EPHA6: variants seen among roughly 807,000 people sequenced by gnomAD.
EPHA6 encodes ephrin type-A receptor 6.
Under a neutral mutation model 112.0 loss-of-function variants are expected in EPHA6, and 50 were observed. That is an observed-to-expected ratio of 0.45 (90% CI 0.36 to 0.56). The LOEUF (loss-of-function observed/expected upper bound fraction) is 0.56, where lower values mean the gene tolerates loss of function less well. Ranked by LOEUF, EPHA6 falls within the 20% of genes least tolerant of loss-of-function variation. EPHA6 has a pLI of 0.00. For synonymous variants in EPHA6, 529 were observed against 490.7 expected, an observed-to-expected ratio of 1.08 and a Z score of -1.03; for missense variants, 1,280 against 1,417.4, an observed-to-expected ratio of 0.90 and a Z score of 1.56.
chr3:97,109,295 A>G (rs573904512), intron 3 of EPHA6, among the ~76,000 whole-genome samples: 3 of 152,304 alleles, frequency 2.0e-5, no homozygotes, highest in South Asian at 4.1e-4. Flanking sequence ...TTTTATAGAC[A>G]TGCATGACCC....
At chr3:97,141,354 T>A (rs1287475917) in intron 3 of EPHA6, among the ~76,000 whole-genome samples, 5 of 152,068 alleles carry the variant, frequency 3.3e-5, no homozygotes, top group African/African-American at 1.2e-4. Context: ...TATAGAATGT[T>A]CTACCTATCA....
At chr3:97,038,780 T>C (rs2045204093) in intron 3 of EPHA6, among the ~76,000 whole-genome samples, 1 of 151,768 alleles carries the variant, frequency 6.6e-6, no homozygotes, top group Admixed American at 6.6e-5. Flanking sequence ...TTTTTTCCAG[T>C]GTGGAAATTG....
chr3:97,220,543 C>CA (rs1344389674), intron 3 of EPHA6, among the ~76,000 whole-genome samples: 35 of 152,254 alleles, frequency 2.3e-4, no homozygotes, highest in African/African-American at 6.3e-4. Context: ...AAAGGGGAAG[C>CA]AAGGGACCTT....
intron 2 of EPHA6, among the ~76,000 whole-genome samples, chr3:96,954,246 G>T (rs1046109772): frequency 2.6e-5 from 4 of 152,048 alleles, no homozygotes; most frequent in African/African-American, 9.7e-5. Flanking sequence ...CACCTAAATT[G>T]TAAGCCAGAT....
At chr3:97,441,400 T>G in intron 6 of EPHA6, 4 of 952,958 alleles carry the variant, frequency 4.2e-6, no homozygotes, top group Non-Finnish European at 5.0e-6. Flanking sequence ...TTTCACATTT[T>G]AAAAACAAAA....
chr3:96,843,215 A>T (rs1250420404), intron 1 of EPHA6, among the ~76,000 whole-genome samples: 7 of 152,018 alleles, frequency 4.6e-5, no homozygotes, highest in Admixed American at 4.6e-4. Context: ...GTTGACTTGG[A>T]TAGAATATTC....
intron 6 of EPHA6, among the ~76,000 whole-genome samples, chr3:97,408,439 C>G (rs762989782): frequency 7.2e-5 from 11 of 152,026 alleles, no homozygotes; most frequent in Non-Finnish European, 1.5e-4. Context: ...TCTTTCCTCT[C>G]CTTTTTTTCT....
intron 16 of EPHA6, among the ~76,000 whole-genome samples, 186 bp downstream of exon 16, chr3:97,736,304 CTT>C (rs1271039751): frequency 6.6e-6 from 1 of 151,906 alleles, no homozygotes; most frequent in Non-Finnish European, 1.5e-5. Flanking sequence ...AAAATGGACT[CTT>C]TTAAAAAAAG....
At chr3:97,705,147 T>C (rs938746807) in intron 14 of EPHA6, among the ~76,000 whole-genome samples, 3 of 152,264 alleles carry the variant, frequency 2.0e-5, no homozygotes, top group Non-Finnish European at 4.4e-5. Context: ...CTTACTTCTC[T>C]AGCCTCATCT....
At chr3:96,872,942 G>A (rs893197564) in intron 2 of EPHA6, among the ~76,000 whole-genome samples, 5 of 151,920 alleles carry the variant, frequency 3.3e-5, no homozygotes, top group African/African-American at 1.2e-4. Flanking sequence ...TTTAAATATT[G>A]CTCTCTTCCT....
At chr3:97,543,697 T>A (rs955463601) in intron 11 of EPHA6, among the ~76,000 whole-genome samples, 1 of 152,014 alleles carries the variant, frequency 6.6e-6, no homozygotes, top group African/African-American at 2.4e-5. Flanking sequence ...GTATGGCCAT[T>A]TTCACGATAT....
At chr3:97,322,192 T>C (rs2082151844) in intron 5 of EPHA6, among the ~76,000 whole-genome samples, 1 of 152,102 alleles carries the variant, frequency 6.6e-6, no homozygotes, top group Admixed American at 6.6e-5. Context: ...AATGTTTAGA[T>C]GCTAAGCTAT....
At chr3:96,867,626 A>G (rs977833113) in intron 2 of EPHA6, among the ~76,000 whole-genome samples, 4 of 151,240 alleles carry the variant, frequency 2.6e-5, no homozygotes, top group African/African-American at 9.8e-5. Flanking sequence ...AGAGGCAGTC[A>G]CATGTTTTCA....
At chr3:96,942,836 G>A (rs1407870376) in intron 2 of EPHA6, among the ~76,000 whole-genome samples, 1 of 151,998 alleles carries the variant, frequency 6.6e-6, no homozygotes, top group Non-Finnish European at 1.5e-5. Flanking sequence ...GGAGAACTCT[G>A]GGATACAAAC....
At chr3:97,679,011 C>A (rs916644382) in intron 14 of EPHA6, among the ~76,000 whole-genome samples, 10 of 152,094 alleles carry the variant, frequency 6.6e-5, no homozygotes, top group Admixed American at 1.3e-4. Context: ...AGTGTTATTT[C>A]TGCCATCTTA....
chr3:97,728,265 A>ATTT (rs11484394), intron 15 of EPHA6, among the ~76,000 whole-genome samples: 3 of 151,906 alleles, frequency 2.0e-5, no homozygotes, highest in African/African-American at 7.3e-5. Context: ...AAGAAATTTC[A>ATTT]TTTTTTCCCA....
intron 14 of EPHA6, among the ~76,000 whole-genome samples, chr3:97,699,799 C>T (rs1438051386): frequency 6.6e-6 from 1 of 152,192 alleles, no homozygotes; most frequent in East Asian, 1.9e-4. Flanking sequence ...CCTTATGCCA[C>T]CATTTTCTAT....
chr3:97,444,590 A>G (rs1463182812), intron 6 of EPHA6, among the ~76,000 whole-genome samples: 2 of 152,122 alleles, frequency 1.3e-5, no homozygotes, highest in Non-Finnish European at 2.9e-5. Flanking sequence ...CAAAACCTAA[A>G]AGGTAATTTG....
chr3:96,971,237 A>G (rs1167917629), intron 2 of EPHA6, among the ~76,000 whole-genome samples: 4 of 152,060 alleles, frequency 2.6e-5, no homozygotes, highest in East Asian at 1.9e-4. Flanking sequence ...TATTGCTATA[A>G]TATTTTAATC....
Sources: gnomAD v4.1 joint callset for allele counts (sites outside exome capture counted in the v4.1 genomes callset) on GRCh38, gnomAD v4.1.1 for gene constraint, MANE v1.5 for transcripts, NCBI Gene and HGNC (gene_info 2026-07-23, HGNC 2026-07-21) for gene names.